CSMD2: variants seen among roughly 807,000 people sequenced by gnomAD.
CSMD2 encodes the protein CUB and Sushi multiple domains 2, also known as CUB and sushi domain-containing protein 2.
A neutral mutation model predicts 398.5 loss-of-function variants in CSMD2; 130 were observed. The observed-to-expected ratio is 0.33, with a 90% confidence interval of 0.28 to 0.38. CSMD2 has a LOEUF of 0.38. Ranked by LOEUF, CSMD2 falls within the 10% of genes least tolerant of loss-of-function variation. The pLI is 1.00. For missense variants in CSMD2, 3,829 were observed against 4,764.9 expected, an observed-to-expected ratio of 0.80 and a Z score of 5.78; for synonymous variants, 1,828 against 1,908.5, an observed-to-expected ratio of 0.96 and a Z score of 1.10.
intron 44 of CSMD2, among the ~76,000 whole-genome samples, chr1:33,590,688 C>T (rs1015621133): frequency 2.6e-5 from 4 of 151,350 alleles, no homozygotes; most frequent in Non-Finnish European, 5.9e-5. Flanking sequence ...GTTATTGCTA[C>T]AGAACTCTAG....
intron 23 of CSMD2, among the ~76,000 whole-genome samples, chr1:33,700,139 G>C (rs1645561088): frequency 6.6e-6 from 1 of 152,004 alleles, no homozygotes; most frequent in Non-Finnish European, 1.5e-5. Flanking sequence ...CTCCCAAGTA[G>C]CTGGGATTAC....
chr1:33,783,248 T>G (rs1202084450), intron 12 of CSMD2, among the ~76,000 whole-genome samples: 1 of 152,124 alleles, frequency 6.6e-6, no homozygotes, highest in African/African-American at 2.4e-5. Flanking sequence ...TATTACGGAC[T>G]GAACTTGTGT....
At chr1:33,541,652 T>A (rs1218820346) in intron 58 of CSMD2, among the ~76,000 whole-genome samples, 1 of 152,058 alleles carries the variant, frequency 6.6e-6, no homozygotes, top group African/African-American at 2.4e-5. Context: ...AAATTTTGTT[T>A]TGTCAAATCC....
intron 5 of CSMD2, among the ~76,000 whole-genome samples, chr1:33,904,299 C>T (rs914544212): frequency 2.6e-5 from 4 of 151,876 alleles, no homozygotes; most frequent in African/African-American, 7.3e-5. Flanking sequence ...TGTGGGAGGT[C>T]GTGGAGAAGG....
chr1:33,564,426 G>A (rs1658862867), intron 53 of CSMD2, among the ~76,000 whole-genome samples: 2 of 152,200 alleles, frequency 1.3e-5, no homozygotes, highest in Admixed American at 6.5e-5. Flanking sequence ...CCCAGACCCC[G>A]ACAGTCTCTA....
At position 33,583,676 on chromosome 1, in the gene CSMD2, G is replaced by A. The variant is rs755465378; in HGVS notation, c.7206C>T (p.Ser2402=). The A allele has an allele frequency of 1.9e-5, 30 of 1,614,106 alleles. No homozygotes were observed. Among genetic ancestry groups the A allele is most frequent in the South Asian group, 3.3e-5 (3 of 91,068 alleles). The change falls in exon 47 of 71, where the codon AGC becomes AGT. Residue 2402 remains serine, a synonymous_variant. Coordinates refer to ENST00000373381, the MANE Select transcript of CSMD2 (RefSeq NM_001281956.2). The part of the protein sequence containing the change: ...NISLTVEYFL[S]EKQYDEFEIF... ...TCTCAAACTCATCATATTGCTTCTCGCTGAGGAAGTACTCCACTGTGAGGG... is the reference window on the plus strand; with the variant it reads ...TCTCAAACTCATCATATTGCTTCTCACTGAGGAAGTACTCCACTGTGAGGG...
intron 15 of CSMD2, among the ~76,000 whole-genome samples, chr1:33,730,707 C>T (rs1389387563): frequency 6.6e-6 from 1 of 151,706 alleles, no homozygotes; most frequent in African/African-American, 2.4e-5. Flanking sequence ...TAGGCATGTC[C>T]TATGAATTGG....
intron 4 of CSMD2, among the ~76,000 whole-genome samples, chr1:33,920,852 G>A (rs1333947151): frequency 6.6e-6 from 1 of 152,162 alleles, no homozygotes; most frequent in Non-Finnish European, 1.5e-5. Flanking sequence ...AGACCAGGTG[G>A]TAACAGTGAG....
intron 12 of CSMD2, among the ~76,000 whole-genome samples, chr1:33,782,971 C>G (rs1652985055): frequency 1.3e-5 from 2 of 151,868 alleles, no homozygotes; most frequent in South Asian, 4.2e-4. Context: ...AGTGAGAGGA[C>G]TAGAGCCAGC....
At position 34,164,860 on chromosome 1, in the gene CSMD2, C is replaced by A; in HGVS notation, c.187+51G>T. On this transcript the variant is annotated intron_variant, in intron 1 of 70. Coordinates refer to ENST00000373381, the MANE Select transcript of CSMD2 (RefSeq NM_001281956.2). This position sits in a 1 kb window ranked among gnomAD's most constrained non-coding sequence, Gnocchi z 6.2. ...GGGTCGAGGATGGGTGGGCTCGGGG[C>A]TCGGGTGGGGCGCGCGGCGGCCGCT... 1 of 1,202,120 alleles carries A rather than the reference C, an allele frequency of 8.3e-7. No homozygotes were observed. The highest frequency in any genetic ancestry group is 1.6e-5 in the African/African-American group (1 of 62,450). 74.5% of individuals were successfully genotyped at this position (1,202,120 alleles called of 1,614,324 possible).
intron 25 of CSMD2, among the ~76,000 whole-genome samples, chr1:33,688,164 C>A (rs1339520409): frequency 6.6e-6 from 1 of 152,130 alleles, no homozygotes; most frequent in African/African-American, 2.4e-5. Flanking sequence ...TGAAAAGATT[C>A]ACTTATTCAA....
chr1:34,142,778 C>G (rs1168157947), intron 1 of CSMD2, among the ~76,000 whole-genome samples: 1 of 152,198 alleles, frequency 6.6e-6, no homozygotes, highest in African/African-American at 2.4e-5. Context: ...AATGCCATCT[C>G]TCTTACGGAC....
intron 9 of CSMD2, chr1:33,815,507 G>C (rs1413478874): frequency 1.3e-5 from 2 of 152,194 alleles, no homozygotes; most frequent in Non-Finnish European, 2.9e-5. Context: ...GGGGAGTGGA[G>C]GGGGAGTTGC....
chr1:34,137,236 A>AGG (rs1185427413), intron 1 of CSMD2, among the ~76,000 whole-genome samples: 1 of 151,812 alleles, frequency 6.6e-6, no homozygotes, highest in Non-Finnish European at 1.5e-5. Flanking sequence ...CATAGCCTAG[A>AGG]CTTACTTATC....
intron 3 of CSMD2, among the ~76,000 whole-genome samples, chr1:34,012,248 G>T (rs576432760): frequency 6.6e-6 from 1 of 151,938 alleles, no homozygotes; most frequent in East Asian, 1.9e-4. Flanking sequence ...TCCCGCTGCC[G>T]GGACACTCTT....
intron 51 of CSMD2, 80 bp downstream of exon 51, chr1:33,571,452 C>T (rs147867298): frequency 8.7e-7 from 1 of 1,155,542 alleles, no homozygotes; most frequent in Non-Finnish European, 1.1e-6. Flanking sequence ...TTTTCCCCCA[C>T]CCCAGTTCAC....
chr1:33,779,963 A>G (rs1011199017), intron 12 of CSMD2, among the ~76,000 whole-genome samples: 3 of 152,150 alleles, frequency 2.0e-5, no homozygotes, highest in Admixed American at 6.5e-5. Context: ...GAAATGGAGG[A>G]CAACAGCGTA....
intron 46 of CSMD2, among the ~76,000 whole-genome samples, chr1:33,586,136 G>A (rs1056061378): frequency 4.6e-5 from 7 of 152,332 alleles, no homozygotes; most frequent in South Asian, 4.1e-4. Context: ...GAGTGCATCC[G>A]CGCATCAGTA....
intron 2 of CSMD2, among the ~76,000 whole-genome samples, chr1:34,046,860 A>G (rs1472219514): frequency 6.6e-6 from 1 of 152,176 alleles, no homozygotes; most frequent in African/African-American, 2.4e-5. Flanking sequence ...AGGCATTTAC[A>G]TTAATTTATC....
Sources: allele counts gnomAD v4.1 joint callset (sites outside exome capture counted in the v4.1 genomes callset), GRCh38; gene constraint gnomAD v4.1.1; non-coding constraint Gnocchi (gnomAD v3.1); transcripts MANE v1.5; gene names NCBI Gene and HGNC (gene_info 2026-07-23, HGNC 2026-07-21).